The following RAPGEF6 variants were observed in gnomAD, a reference collection of about 807,000 sequenced individuals.
The protein encoded by RAPGEF6 is Rap guanine nucleotide exchange factor 6.
In RAPGEF6, 56 loss-of-function variants were observed where a neutral mutation model predicts 171.4. That is an observed-to-expected ratio of 0.33 (90% CI 0.26 to 0.41). The LOEUF is 0.41. Among genes scored for constraint, RAPGEF6 ranks in the 10% least tolerant of loss-of-function variants. RAPGEF6 has a pLI of 1.00. For synonymous variants in RAPGEF6, 692 were observed against 650.1 expected (o/e 1.06, Z -0.98); for missense variants, 1,674 against 1,921.4 (o/e 0.87, Z 2.41).
intron 6 of RAPGEF6, among the ~76,000 whole-genome samples, chr5:131,527,122 A>G (rs1293002774): frequency 1.3e-5 from 2 of 152,172 alleles, no homozygotes; most frequent in Non-Finnish European, 2.9e-5. Context: ...TGTTACAACA[A>G]TAGGGGGCCC....
In RAPGEF6 at chr5:131,498,114, C is replaced by T. The variant is rs144920152; in HGVS notation, c.1419+329G>A. On this transcript the variant is annotated intron_variant, in intron 12 of 27. Coordinates refer to ENST00000509018, the MANE Select transcript of RAPGEF6 (RefSeq NM_016340.6). ...AATATTCTTTCTAAAATATTAAATC[C>T]GTTTTAAAATGTTTTATTGATCTCC... 3.1e-3 allele frequency among the ~76,000 whole-genome samples: 479 copies of T among 152,124 alleles called. 3 individuals are homozygous for T. Among genetic ancestry groups the T allele is most frequent in the African/African-American group, 0.011 (454 of 41,486 alleles).
At chr5:131,428,125 T>C (rs374782271) in intron 27 of RAPGEF6, among the ~76,000 whole-genome samples, 8 of 151,182 alleles carry the variant, frequency 5.3e-5, no homozygotes, top group African/African-American at 1.9e-4. Flanking sequence ...ACCCACACCA[T>C]TGGCTGGGTG....
chr5:131,548,187 C>G lies in RAPGEF6; in HGVS notation c.355G>C (p.Glu119Gln), dbSNP rs1330214077. ...VLEPSEMIVV[E>Q]NAKDNEDSIL... ...CTATCTTCATTATCTTTGGCATTCT[C>G]TACCTGAAACACATGTTCATATTCC... The change falls in exon 6 of 28, where the codon GAG (glutamate) becomes CAG (glutamine). Residue 119 changes from glutamate to glutamine, a missense_variant. By Grantham distance (29) the Glu-to-Gln change is conservative. Around this residue, in one of 3 missense-constraint regions of RAPGEF6, gnomAD observed 1,116 missense variants for 1,321.5 expected, o/e 0.84. Coordinates refer to ENST00000509018, the MANE Select transcript of RAPGEF6 (RefSeq NM_016340.6). 2 of 1,613,286 alleles carry G rather than the reference C, an allele frequency of 1.2e-6. No homozygotes were observed. The highest frequency in any genetic ancestry group is 1.7e-6 in the Non-Finnish European group (2 of 1,179,664).
At chr5:131,569,522 T>G (rs765111441) in intron 4 of RAPGEF6, among the ~76,000 whole-genome samples, 1 of 152,154 alleles carries the variant, frequency 6.6e-6, no homozygotes, top group Non-Finnish European at 1.5e-5. Context: ...AATATCCATA[T>G]GCAAAAATAT....
At chr5:131,536,282 A>G (rs1488977229) in intron 6 of RAPGEF6, among the ~76,000 whole-genome samples, 1 of 152,216 alleles carries the variant, frequency 6.6e-6, no homozygotes, top group Admixed American at 6.6e-5. Context: ...TCAAAGGATC[A>G]TAACAATCTT....
intron 4 of RAPGEF6, among the ~76,000 whole-genome samples, chr5:131,580,143 G>A (rs1324757315): frequency 3.3e-5 from 5 of 152,198 alleles, no homozygotes; most frequent in Admixed American, 1.3e-4. Flanking sequence ...GGGGGGGCTC[G>A]GGCATGGCGG....
chr5:131,491,174 C>T (rs1756256359), intron 14 of RAPGEF6, among the ~76,000 whole-genome samples: 1 of 152,118 alleles, frequency 6.6e-6, no homozygotes, highest in African/African-American at 2.4e-5. Flanking sequence ...AGTCTGGGGT[C>T]AGGCCCAGAA....
intron 3 of RAPGEF6, among the ~76,000 whole-genome samples, chr5:131,593,455 T>C (rs1763705205): frequency 6.6e-6 from 1 of 152,186 alleles, no homozygotes; most frequent in Admixed American, 6.5e-5. Flanking sequence ...CAAAGATACC[T>C]GAAAATGTAG....
intron 7 of RAPGEF6, among the ~76,000 whole-genome samples, chr5:131,518,256 A>G (rs1304114969): frequency 2.0e-5 from 3 of 152,000 alleles, no homozygotes; most frequent in East Asian, 1.9e-4. Context: ...TAAAAAATAT[A>G]TAAGTATGTA....
At chr5:131,508,793 T>C (rs544115458) in intron 8 of RAPGEF6, among the ~76,000 whole-genome samples, 2 of 152,316 alleles carry the variant, frequency 1.3e-5, no homozygotes, top group South Asian at 4.1e-4. Context: ...AGCAAAGAGA[T>C]TAAGAATAAC....
chr5:131,633,309 T>C lies in RAPGEF6; in HGVS notation c.69+1653A>G, dbSNP rs538179520. Reference sequence around the variant, plus strand: ...GAGATCGTGCCACTGCACTCCAGCCTGGGCTATAGAGGGAGACTTTGTCTC... The same window carrying C: ...GAGATCGTGCCACTGCACTCCAGCCCGGGCTATAGAGGGAGACTTTGTCTC... On this transcript the variant is annotated intron_variant, in intron 1 of 27. Coordinates refer to ENST00000509018, the MANE Select transcript of RAPGEF6 (RefSeq NM_016340.6). Among the ~76,000 whole-genome samples the C allele has an allele frequency of 2.5e-3, 379 of 152,296 alleles. 1 individual carries two copies. Among genetic ancestry groups the C allele is most frequent in the Non-Finnish European group, 4.7e-3 (319 of 68,026 alleles).
At chr5:131,475,379 T>C (rs1327391941) in intron 16 of RAPGEF6, among the ~76,000 whole-genome samples, 2 of 152,114 alleles carry the variant, frequency 1.3e-5, no homozygotes, top group Admixed American at 1.3e-4. Flanking sequence ...CTAAATTTAC[T>C]TAGGATAAAA....
intron 1 of RAPGEF6, among the ~76,000 whole-genome samples, chr5:131,619,153 G>A (rs1765455206): frequency 6.6e-6 from 1 of 151,984 alleles, no homozygotes; most frequent in African/African-American, 2.4e-5. Flanking sequence ...ACAGAGGTGT[G>A]AGATGGCCAG....
At chr5:131,617,619 G>A (rs1247304349) in intron 1 of RAPGEF6, among the ~76,000 whole-genome samples, 2 of 152,128 alleles carry the variant, frequency 1.3e-5, no homozygotes, top group Non-Finnish European at 2.9e-5. Context: ...CCCCCAGTTA[G>A]CAGTGGCTCA....
chr5:131,559,824 C>T (rs1196000702), intron 5 of RAPGEF6, among the ~76,000 whole-genome samples: 1 of 147,458 alleles, frequency 6.8e-6, no homozygotes, highest in Non-Finnish European at 1.5e-5. Context: ...CGGTAAGCCC[C>T]TTTTCTTTAA....
intron 1 of RAPGEF6, among the ~76,000 whole-genome samples, chr5:131,612,786 A>G (rs909132312): frequency 6.6e-6 from 1 of 151,994 alleles, no homozygotes; most frequent in African/African-American, 2.4e-5. Flanking sequence ...CTAAACTTAT[A>G]TCATATAATT....
chr5:131,434,118 G>T (rs981890524), intron 24 of RAPGEF6, among the ~76,000 whole-genome samples: 2 of 152,158 alleles, frequency 1.3e-5, no homozygotes, highest in African/African-American at 4.8e-5. Flanking sequence ...GTAAGGGTAG[G>T]GGTGGGAGTC....
intron 6 of RAPGEF6, among the ~76,000 whole-genome samples, chr5:131,527,645 A>G (rs1261502362): frequency 6.6e-6 from 1 of 152,180 alleles, no homozygotes; most frequent in Non-Finnish European, 1.5e-5. Context: ...TGATACACAC[A>G]AGAGATAGGA....
chr5:131,433,150 TA>T (rs1751811136), intron 25 of RAPGEF6, among the ~76,000 whole-genome samples: 1 of 152,160 alleles, frequency 6.6e-6, no homozygotes, highest in African/African-American at 2.4e-5. Context: ...TTATCTCCCC[TA>T]TATAAGTAGC....
Sources: allele counts gnomAD v4.1 joint callset (sites outside exome capture counted in the v4.1 genomes callset), GRCh38; gene constraint gnomAD v4.1.1; regional missense constraint gnomAD v4.1.1; transcripts MANE v1.5; gene names NCBI Gene and HGNC (gene_info 2026-07-23, HGNC 2026-07-21).